The following ELK3 variants were observed in gnomAD, a reference collection of about 807,000 sequenced individuals.
ELK3 encodes the protein ETS transcription factor ELK3, also known as ETS domain-containing protein Elk-3.
In ELK3, 10 loss-of-function variants were observed where a neutral mutation model predicts 28.9. The ratio of observed to expected loss-of-function variants is 0.35; its 90% CI spans 0.21 to 0.59. ELK3 has a LOEUF of 0.59. Among genes scored for constraint, ELK3 ranks in the 20% least tolerant of loss-of-function variants. ELK3 has a pLI of 0.82. For missense variants in ELK3, 463 were observed against 517.3 expected (o/e 0.90, Z 1.02); for synonymous variants, 272 against 243.5 (o/e 1.12, Z -1.09).
At chr12:96,201,429 TG>T (rs1459801063) in intron 1 of ELK3, among the ~76,000 whole-genome samples, 1 of 147,930 alleles carries the variant, frequency 6.8e-6, no homozygotes, top group Non-Finnish European at 1.5e-5. Context: ...GAGATCAACC[TG>T]GGCAACATAG....
chr12:96,259,523 G>A (rs928498240), intron 3 of ELK3, among the ~76,000 whole-genome samples: 1 of 152,198 alleles, frequency 6.6e-6, no homozygotes, highest in Non-Finnish European at 1.5e-5. Flanking sequence ...TCCAGCCTGG[G>A]TGACAGAGCG....
intron 1 of ELK3, among the ~76,000 whole-genome samples, chr12:96,209,519 G>C (rs1951562905): frequency 6.6e-6 from 1 of 152,176 alleles, no homozygotes; most frequent in Non-Finnish European, 1.5e-5. Flanking sequence ...ACTTTCATCA[G>C]CTTCTTCTTT....
intron 1 of ELK3, among the ~76,000 whole-genome samples, chr12:96,196,747 G>GTTT (rs56206854): frequency 2.9e-5 from 4 of 137,234 alleles, no homozygotes; most frequent in Non-Finnish European, 4.7e-5. Flanking sequence ...CTCTAAAAGT[G>GTTT]TTTTTTTTTT....
chr12:96,258,722 C>T (rs1951970410), intron 3 of ELK3, among the ~76,000 whole-genome samples: 1 of 152,182 alleles, frequency 6.6e-6, no homozygotes, highest in Admixed American at 6.5e-5. Context: ...TGCCCTCCTG[C>T]TGGCTTGCAG....
intron 2 of ELK3, among the ~76,000 whole-genome samples, chr12:96,238,977 T>C (rs551677199): frequency 1.3e-5 from 2 of 152,274 alleles, no homozygotes; most frequent in African/African-American, 4.8e-5. Context: ...GGAACAGAAA[T>C]GGCTTAGGTC....
intron 1 of ELK3, among the ~76,000 whole-genome samples, chr12:96,211,513 G>T (rs1405799371): frequency 6.6e-6 from 1 of 151,602 alleles, no homozygotes; most frequent in Non-Finnish European, 1.5e-5. Context: ...GTGTGTGTGT[G>T]TGTGTGTGTG....
intron 1 of ELK3, among the ~76,000 whole-genome samples, chr12:96,210,802 A>G (rs1381664600): frequency 6.6e-6 from 1 of 152,266 alleles, no homozygotes; most frequent in Non-Finnish European, 1.5e-5. Context: ...AAACAACCCA[A>G]CTGGAGCAGC....
chr12:96,231,866 C>G (rs1322867715), intron 2 of ELK3, among the ~76,000 whole-genome samples: 1 of 152,146 alleles, frequency 6.6e-6, no homozygotes, highest in Non-Finnish European at 1.5e-5. Flanking sequence ...TCCAGCCATC[C>G]CTTTGGAAAC....
In ELK3 at chr12:96,247,014, T is replaced by A. The variant is rs2137032790; in HGVS notation, c.282T>A (p.Asp94Glu). 2 of 1,614,116 alleles carry A rather than the reference T, an allele frequency of 1.2e-6. No homozygotes were observed. Among genetic ancestry groups the A allele is most frequent in the Non-Finnish European group, 1.7e-6 (2 of 1,179,982 alleles). ...CTTTCCCGGAGATCCTGAAGATGGA[T>A]CCTCACGCGGTGGAGATCAGCCGGG... Reference protein sequence around the residue: ...FVSFPEILKMDPHAVEISRES... With the variant: ...FVSFPEILKMEPHAVEISRES... Residue 94 changes from aspartate to glutamate, a missense_variant, in exon 3 of 5, where the codon GAT becomes GAA. By Grantham distance (45) the Asp-to-Glu change is conservative. Coordinates refer to ENST00000228741, the MANE Select transcript of ELK3 (RefSeq NM_005230.4). The surrounding 1 kb of genome is among the most constrained non-coding windows in gnomAD (Gnocchi z 5.5).
rs180732106 is a variant in ELK3 at position 96,244,161 on chromosome 12, G to A, written c.208-2779G>A. ...CAAATAATGAATTCTAGGCCTTGGT[G>A]CAGAGCTTCATTCTTTACTACAGCT... On this transcript the variant is annotated intron_variant, in intron 2 of 4. Coordinates refer to ENST00000228741, the MANE Select transcript of ELK3 (RefSeq NM_005230.4). Among the ~76,000 whole-genome samples, 284 of 152,164 alleles carry A rather than the reference G, an allele frequency of 1.9e-3. 2 individuals carry two copies. Among genetic ancestry groups the A allele is most frequent in the African/African-American group, 6.3e-3 (262 of 41,488 alleles).
chr12:96,265,249 A>G (rs1258452893), intron 4 of ELK3, among the ~76,000 whole-genome samples: 1 of 152,248 alleles, frequency 6.6e-6, no homozygotes, highest in East Asian at 1.9e-4. Context: ...TAATCAAGAG[A>G]AACTATGTCC....
chr12:96,262,325 C>T (rs1258679102), intron 4 of ELK3, among the ~76,000 whole-genome samples: 1 of 152,116 alleles, frequency 6.6e-6, no homozygotes, highest in East Asian at 1.9e-4. Flanking sequence ...GGCCCAAAAA[C>T]ATTTTTGTCA....
At chr12:96,207,038 AT>A (rs1951542339) in intron 1 of ELK3, among the ~76,000 whole-genome samples, 2 of 152,280 alleles carry the variant, frequency 1.3e-5, no homozygotes, top group South Asian at 2.1e-4. Context: ...TCACTGTCTT[AT>A]TTTTGCAAGT....
At chr12:96,244,058 T>C (rs1388612565) in intron 2 of ELK3, among the ~76,000 whole-genome samples, 1 of 151,678 alleles carries the variant, frequency 6.6e-6, no homozygotes, top group African/African-American at 2.4e-5. Context: ...TTGAGGCCCA[T>C]TATGTTATGT....
Position 96,260,834 on chromosome 12 carries a change from T to C in ELK3, c.1125+981T>C, listed in dbSNP as rs139827467. Among the ~76,000 whole-genome samples the C allele has an allele frequency of 1.6e-3, 250 of 152,312 alleles. 1 individual carries two copies. Among genetic ancestry groups the C allele is most frequent in the Non-Finnish European group, 2.9e-3 (195 of 68,024 alleles). On this transcript the variant is annotated intron_variant, in intron 4 of 4. Transcript: ENST00000228741. The stretch of plus-strand genomic sequence containing the variant: ...CACAGTGTGGCTTACCCCAAGTTAG[T>C]TGCAGCTCTTTGGATACCATTTCAT...
At chr12:96,228,878 G>A (rs558799369) in intron 2 of ELK3, among the ~76,000 whole-genome samples, 59 of 152,324 alleles carry the variant, frequency 3.9e-4, no homozygotes, top group African/African-American at 1.4e-3. Context: ...TTCCTTGTCG[G>A]ACTGTGTGAG....
chr12:96,239,986 G>T (rs1004865613), intron 2 of ELK3, among the ~76,000 whole-genome samples: 1 of 152,244 alleles, frequency 6.6e-6, no homozygotes, highest in Non-Finnish European at 1.5e-5. Context: ...CTGCGGCTCC[G>T]TGTGTCCCCC....
rs1447550019 is a variant in ELK3, at chr12:96,269,169, C to G, written c.*1989C>G. ...GTGCTCAGTCCAATTCTGTCTCCCCCATGCCTAGCTGTTAAGTAATTACTG... is the reference window on the plus strand; with the variant it reads ...GTGCTCAGTCCAATTCTGTCTCCCCGATGCCTAGCTGTTAAGTAATTACTG... On this transcript the variant is annotated 3_prime_UTR_variant, in exon 5 of 5. Transcript: ENST00000228741. 2 of 152,188 alleles carry G rather than the reference C, an allele frequency of 1.3e-5. No individual in the cohort carries two copies. The highest frequency in any genetic ancestry group is 4.8e-5 in the African/African-American group (2 of 41,448). The allele number at this position is 152,188 out of a possible 1,614,324, so 9.4% of individuals were successfully genotyped here.
At chr12:96,238,690 A>T (rs771639000) in intron 2 of ELK3, among the ~76,000 whole-genome samples, 15 of 152,220 alleles carry the variant, frequency 9.9e-5, no homozygotes, top group Middle Eastern at 3.2e-3. Context: ...CCTCCAAAGC[A>T]GGCACCTTCT....
Sources: allele counts gnomAD v4.1 joint callset (sites outside exome capture counted in the v4.1 genomes callset), GRCh38; gene constraint gnomAD v4.1.1; non-coding constraint Gnocchi (gnomAD v3.1); transcripts MANE v1.5; gene names NCBI Gene and HGNC (gene_info 2026-07-23, HGNC 2026-07-21).